Variants in ASPRV1 observed in about 807,000 individuals in gnomAD.
The protein encoded by ASPRV1 is aspartic peptidase retroviral like 1.
A neutral mutation model predicts 11.0 loss-of-function variants in ASPRV1; 7 were observed. That is an observed-to-expected ratio of 0.64 (90% CI 0.36 to 1.20). The LOEUF (loss-of-function observed/expected upper bound fraction) is 1.20, where lower values mean the gene tolerates loss of function less well. Ranked by LOEUF, ASPRV1 falls within the 50% of genes most tolerant of loss-of-function variation. ASPRV1 has a pLI of 0.02. For missense variants in ASPRV1, 299 were observed against 320.0 expected (o/e 0.93, Z 0.50); for synonymous variants, 136 against 138.4 (o/e 0.98, Z 0.12).
At chr2:69,977,407 A>C in the ASPRV1 span, among the ~76,000 whole-genome samples, 16 of 152,272 alleles carry the variant, frequency 1.1e-4, no homozygotes, top group African/African-American at 3.9e-4. Context: ...TGCAGGTGCG[A>C]TTCCTGCTTC....
the ASPRV1 span, among the ~76,000 whole-genome samples, chr2:69,987,110 C>G: frequency 6.6e-6 from 1 of 152,036 alleles, no homozygotes; most frequent in East Asian, 1.9e-4. Context: ...ACAGCCGGAA[C>G]GAAGATGCAG....
the ASPRV1 span, among the ~76,000 whole-genome samples, chr2:69,935,107 A>G: frequency 6.6e-6 from 1 of 152,262 alleles, no homozygotes; most frequent in Non-Finnish European, 1.5e-5. Context: ...AATAGCAGAT[A>G]TTATTCCCTA....
the ASPRV1 span, among the ~76,000 whole-genome samples, chr2:69,994,813 C>T: frequency 1.3e-4 from 19 of 150,952 alleles, no homozygotes; most frequent in African/African-American, 4.2e-4. Context: ...CTGGCTAACA[C>T]GGTGAAACCC....
chr2:70,082,143 T>G, the ASPRV1 span, among the ~76,000 whole-genome samples: 1 of 151,216 alleles, frequency 6.6e-6, no homozygotes, highest in African/African-American at 2.4e-5. Flanking sequence ...CCCAGCTAAT[T>G]TGTGTGTGTG....
chr2:69,988,170 C>A, the ASPRV1 span, among the ~76,000 whole-genome samples: 1 of 152,162 alleles, frequency 6.6e-6, no homozygotes, highest in Non-Finnish European at 1.5e-5. Flanking sequence ...TAGGTATAGA[C>A]CCAAAAGAAC....
chr2:70,008,765 T>C, the ASPRV1 span, among the ~76,000 whole-genome samples: 4 of 152,260 alleles, frequency 2.6e-5, no homozygotes, highest in South Asian at 4.1e-4. Flanking sequence ...CCCTACCATA[T>C]GACTGCCTCC....
the ASPRV1 span, among the ~76,000 whole-genome samples, chr2:70,029,574 A>C: frequency 6.6e-6 from 1 of 152,070 alleles, no homozygotes; most frequent in Admixed American, 6.6e-5. Context: ...AGGCAGCAGA[A>C]GTTGCAGTGA....
chr2:70,081,972 G>A, the ASPRV1 span, among the ~76,000 whole-genome samples: 52 of 151,894 alleles, frequency 3.4e-4, no homozygotes, highest in African/African-American at 1.2e-3. Flanking sequence ...ACGTTAGTAG[G>A]GCAATTTTTT....
Position 69,961,152 on chromosome 2 carries a change from G to A in ASPRV1, c.285C>T (p.Pro95=), listed in dbSNP as rs1275294812. 6.2e-7 allele frequency: 1 copy of A among 1,613,696 alleles called. No individual in the cohort carries two copies. The highest frequency in any genetic ancestry group is 2.2e-5 in the East Asian group (1 of 44,852). Residue 95 remains proline, a synonymous_variant, in exon 1 of 1, where the codon CCC becomes CCT. Coordinates refer to ENST00000320256, the MANE Select transcript of ASPRV1 (RefSeq NM_152792.4). ...LKAFGVPGAA[P]SHLPKEIVFA... Reference sequence around the variant, plus strand: ...AGACGATCTCTTTGGGCAGGTGGCTGGGGGCAGCCCCAGGGACCCCAAAGG... The same window carrying A: ...AGACGATCTCTTTGGGCAGGTGGCTAGGGGCAGCCCCAGGGACCCCAAAGG...
At chr2:70,053,041 A>G in the ASPRV1 span, among the ~76,000 whole-genome samples, 4 of 152,092 alleles carry the variant, frequency 2.6e-5, no homozygotes, top group Non-Finnish European at 5.9e-5. Context: ...CTGTACTCAT[A>G]AGCTATCCTG....
chr2:69,972,651 C>G, the ASPRV1 span, among the ~76,000 whole-genome samples: 1 of 152,144 alleles, frequency 6.6e-6, no homozygotes, highest in South Asian at 2.1e-4. Context: ...AGCCATTCGC[C>G]GGGCCTGCCG....
chr2:70,062,191 G>A, the ASPRV1 span, among the ~76,000 whole-genome samples: 752 of 151,162 alleles, frequency 5.0e-3, 7 homozygotes, highest in Non-Finnish European at 8.3e-3. Context: ...TGTAATCCCA[G>A]CTACTTGGGA....
the ASPRV1 span, among the ~76,000 whole-genome samples, chr2:69,944,685 G>A: frequency 9.1e-6 from 1 of 109,552 alleles, no homozygotes; most frequent in Non-Finnish European, 1.8e-5. Flanking sequence ...TATTTTCTTT[G>A]GAGGGGACCT....
the ASPRV1 span, among the ~76,000 whole-genome samples, chr2:69,968,227 A>C: frequency 6.6e-6 from 1 of 151,960 alleles, no homozygotes; most frequent in Admixed American, 6.6e-5. Context: ...GTTTTTTAAA[A>C]GGTGCTTTAA....
chr2:69,936,956 C>G, the ASPRV1 span: 1 of 559,222 alleles, frequency 1.8e-6, no homozygotes, highest in East Asian at 4.4e-5. Flanking sequence ...CTTTCTGATA[C>G]TAAAACTGAG....
At chr2:70,013,708 G>A in the ASPRV1 span, among the ~76,000 whole-genome samples, 17 of 152,214 alleles carry the variant, frequency 1.1e-4, no homozygotes, top group East Asian at 5.8e-4. Flanking sequence ...TGGCCAATAC[G>A]GTGAAACCCC....
chr2:69,983,620 G>A, the ASPRV1 span, among the ~76,000 whole-genome samples: 1 of 152,182 alleles, frequency 6.6e-6, no homozygotes, highest in South Asian at 2.1e-4. Context: ...AGGAATCTGA[G>A]GAATGGGGGA....
At chr2:70,077,271 T>G in the ASPRV1 span, 3 of 152,280 alleles carry the variant, frequency 2.0e-5, no homozygotes, top group African/African-American at 7.2e-5. Flanking sequence ...AGTTCCAATT[T>G]CATCTAAAAG....
At chr2:70,086,228 T>C in the ASPRV1 span, 2 of 151,916 alleles carry the variant, frequency 1.3e-5, no homozygotes, top group Non-Finnish European at 2.9e-5. Flanking sequence ...CGACCCCAAT[T>C]TCTCGTTGGC....
Sources: gnomAD v4.1 joint callset for allele counts (sites outside exome capture counted in the v4.1 genomes callset) on GRCh38, gnomAD v4.1.1 for gene constraint, MANE v1.5 for transcripts, NCBI Gene and HGNC (gene_info 2026-07-23, HGNC 2026-07-21) for gene names.